The following ITM2C variants were observed in gnomAD, a reference collection of about 807,000 sequenced individuals.
The protein encoded by ITM2C is BRICHOS domain containing 2C.
Under a neutral mutation model 30.0 loss-of-function variants are expected in ITM2C, and 20 were observed. The ratio of observed to expected loss-of-function variants is 0.67; its 90% CI spans 0.47 to 0.97. ITM2C has a LOEUF of 0.97. Ranked by LOEUF, ITM2C falls within the 50% of genes least tolerant of loss-of-function variation. The pLI, the probability that ITM2C is intolerant of heterozygous loss-of-function variation, is 0.00. For synonymous variants in ITM2C, 167 were observed against 156.4 expected (o/e 1.07, Z -0.51); for missense variants, 366 against 371.9 (o/e 0.98, Z 0.13).
rs748984665 is a variant in ITM2C, at chr2:230,877,541, A to G, written c.703A>G (p.Thr235Ala). The change falls in exon 5 of 6, where the codon ACG becomes GCG. Residue 235 changes from threonine to alanine, a missense_variant. Physicochemically the swap from Thr to Ala is moderately conservative, Grantham distance 58. Coordinates refer to ENST00000326427, the MANE Select transcript of ITM2C (RefSeq NM_030926.6). This position sits in a 1 kb window ranked among gnomAD's most constrained non-coding sequence, Gnocchi z 4.8. Reference sequence around the variant, plus strand: ...CACCTACCGGCTCCGGCGCCGGGCAACGCGGAGGCGTGAGTGGCTGGCTTC... The same window carrying G: ...CACCTACCGGCTCCGGCGCCGGGCAGCGCGGAGGCGTGAGTGGCTGGCTTC... ...KDTYRLRRRA[T>A]RRRINKRGAK... 6.2e-7 allele frequency: 1 copy of G among 1,613,600 alleles called. No homozygotes were observed. The highest frequency in any genetic ancestry group is 1.3e-5 in the African/African-American group (1 of 75,046).
Position 230,877,530 on chromosome 2 carries a change from G to A in ITM2C, c.692G>A (p.Arg231Gln), listed in dbSNP as rs768942650. Residue 231 changes from arginine to glutamine, a missense_variant, in exon 5 of 6, where the codon CGG (arginine) becomes CAG (glutamine). Transcript: ENST00000326427. This position sits in a 1 kb window ranked among gnomAD's most constrained non-coding sequence, Gnocchi z 4.8. ...AACGGGAAAGACACCTACCGGCTCCGGCGCCGGGCAACGCGGAGGCGTGAG... is the reference window on the plus strand; with the variant it reads ...AACGGGAAAGACACCTACCGGCTCCAGCGCCGGGCAACGCGGAGGCGTGAG... ...LCNGKDTYRL[R>Q]RRATRRRINK... is the part of the protein sequence containing the mutation. 90 of 1,613,662 alleles carry A rather than the reference G, an allele frequency of 5.6e-5. No homozygotes were observed. Among genetic ancestry groups the A allele is most frequent in the Middle Eastern group, 1.7e-4 (1 of 5,974 alleles).
intron 2 of ITM2C, 138 bp from the exon 3 acceptor site, chr2:230,875,482 T>C: frequency 1.5e-6 from 1 of 675,106 alleles, no homozygotes; most frequent in Non-Finnish European, 2.5e-6. Flanking sequence ...ATCTGCGAAA[T>C]GGGTCTCACA....
At chr2:230,874,688 G>A (rs777780528) in intron 2 of ITM2C, among the ~76,000 whole-genome samples, 8 of 152,196 alleles carry the variant, frequency 5.3e-5, no homozygotes, top group African/African-American at 1.2e-4. Flanking sequence ...CTGCGATGAC[G>A]CATCCTCCCT....
chr2:230,872,045 C>T (rs1328401993), intron 1 of ITM2C, among the ~76,000 whole-genome samples: 1 of 152,226 alleles, frequency 6.6e-6, no homozygotes, highest in African/African-American at 2.4e-5. Flanking sequence ...CATCCCAGAA[C>T]GCCTGGCCGG....
chr2:230,873,341 G>A (rs561038886), intron 1 of ITM2C, 76 bp from the exon 2 acceptor site: 134 of 1,398,018 alleles, frequency 9.6e-5, no homozygotes, highest in Non-Finnish European at 1.2e-4. Context: ...GCCAGCAGGT[G>A]AAGCCTGACT....
rs148209494 is a variant in ITM2C, at chr2:230,869,461, G to A, written c.121-3956G>A. ...ACATACAAGACACACACACTCGGTG[G>A]GTGCCCTGGCCTCTGTGGTCTGGAG... On this transcript the variant is annotated intron_variant, in intron 1 of 5. Transcript: ENST00000326427. Among the ~76,000 whole-genome samples, 18 of 152,304 alleles carry A rather than the reference G, an allele frequency of 1.2e-4. No individual in the cohort carries two copies. The East Asian group carries it at 3.3e-3, about 28-fold the overall frequency.
At chr2:230,866,016 G>C (rs73992916) in intron 1 of ITM2C, among the ~76,000 whole-genome samples, 22 of 147,032 alleles carry the variant, frequency 1.5e-4, no homozygotes, top group African/African-American at 5.3e-4. Flanking sequence ...CCTCTGGCCG[G>C]GGGGGAGAGA....
intron 2 of ITM2C, among the ~76,000 whole-genome samples, chr2:230,874,994 C>G (rs112500201): frequency 0.022 from 3,312 of 152,250 alleles, 118 homozygotes; most frequent in African/African-American, 0.076. Context: ...TGGAGGTAAC[C>G]GTGATAGGGG....
intron 1 of ITM2C, among the ~76,000 whole-genome samples, chr2:230,871,484 C>G (rs1697163605): frequency 6.6e-6 from 1 of 152,234 alleles, no homozygotes; most frequent in South Asian, 2.1e-4. Context: ...GCAGCTGTTC[C>G]TGAGGGCCCT....
chr2:230,864,850 G>C, upstream of ITM2C: 1 of 753,780 alleles, frequency 1.3e-6, no homozygotes, highest in South Asian at 6.8e-5. This position sits in a 1 kb window ranked among gnomAD's most constrained non-coding sequence, Gnocchi z 4.3. Context: ...GCGCAGGCGC[G>C]GCGGGCGCCG....
In ITM2C at chr2:230,877,387, C is replaced by A. The variant is rs776731123; in HGVS notation, c.562-13C>A. ...AGGGGCCGACTCACTGTGGCGGCCA[C>A]CTTGTTTTGCAGAGGGGGACCTACC... On this transcript the variant is annotated splice_polypyrimidine_tract_variant and intron_variant, in intron 4 of 5. Coordinates refer to ENST00000326427, the MANE Select transcript of ITM2C (RefSeq NM_030926.6). This position sits in a 1 kb window ranked among gnomAD's most constrained non-coding sequence, Gnocchi z 4.8. The A allele has an allele frequency of 3.7e-5, 60 of 1,612,356 alleles. No individual in the cohort carries two copies. The highest frequency in any genetic ancestry group is 4.9e-5 in the Non-Finnish European group (58 of 1,179,164).
chr2:230,865,506 A>C lies in ITM2C; in HGVS notation c.120+361A>C. 1 of 174,412 alleles carries C rather than the reference A, an allele frequency of 5.7e-6. No homozygotes were observed. The highest frequency in any genetic ancestry group is 6.3e-5 in the Admixed American group (1 of 15,756). 10.8% of individuals were successfully genotyped at this position (174,412 alleles called of 1,614,324 possible). A position where few individuals can be genotyped will look rare whatever the true frequency, so the allele number is the denominator to read the frequency against. On this transcript the variant is annotated intron_variant, in intron 1 of 5. Coordinates refer to ENST00000326427, the MANE Select transcript of ITM2C (RefSeq NM_030926.6). The surrounding 1 kb of genome is among the most constrained non-coding windows in gnomAD (Gnocchi z 6.8). ...GTGGGGGGGTACGCGTCTGGTTCCA[A>C]TCAACTGGGAAAGCCGCGAGTCGAG...
chr2:230,867,619 T>A (rs769002459), intron 1 of ITM2C, among the ~76,000 whole-genome samples: 4 of 152,188 alleles, frequency 2.6e-5, no homozygotes, highest in Non-Finnish European at 5.9e-5. Flanking sequence ...GTGTCTGAAC[T>A]GGACTCCAAA....
chr2:230,873,190 G>A, intron 1 of ITM2C: 1 of 443,456 alleles, frequency 2.3e-6, no homozygotes. Context: ...TCTCTTTCGA[G>A]GTGTGTCTCC....
In ITM2C at chr2:230,865,183, C is replaced by T. The variant is rs1696995886; in HGVS notation, c.120+38C>T. On this transcript the variant is annotated intron_variant, in intron 1 of 5. Transcript: ENST00000326427. The surrounding 1 kb of genome is among the most constrained non-coding windows in gnomAD (Gnocchi z 6.8). ...GGGGCTCAGGCGGTGGGGCGGGGGA[C>T]CCAGGCTCACGACCCAGGCGCGCCC... 1 of 1,375,070 alleles carries T rather than the reference C, an allele frequency of 7.3e-7. No homozygotes were observed. The highest frequency in any genetic ancestry group is 3.0e-5 in the East Asian group (1 of 33,160). The allele number at this position is 1,375,070 out of a possible 1,614,324, so 85.2% of individuals were successfully genotyped here. A position where few individuals can be genotyped will look rare whatever the true frequency, so the allele number is the denominator to read the frequency against.
At chr2:230,868,712 G>C (rs1697092551) in intron 1 of ITM2C, among the ~76,000 whole-genome samples, 1 of 152,214 alleles carries the variant, frequency 6.6e-6, no homozygotes, top group South Asian at 2.1e-4. Context: ...GGCAGGAGGA[G>C]CTGGGTCTCC....
rs1016118397 is a variant in ITM2C at position 230,878,069 on chromosome 2, G to A, written c.774G>A (p.Val258=). The A allele has an allele frequency of 2.5e-6, 4 of 1,603,240 alleles. No homozygotes were observed. The South Asian group carries it at 4.5e-5, about 18-fold the overall frequency. The part of the protein sequence containing the change: ...NAIRHFENTF[V]VETLICGVV ...TCCGCCACTTCGAGAACACCTTCGT[G>A]GTGGAGACGCTCATCTGCGGGGTGG... The change falls in exon 6 of 6, where the codon GTG becomes GTA. Residue 258 remains valine, a synonymous_variant. Transcript: ENST00000326427. The surrounding 1 kb of genome is among the most constrained non-coding windows in gnomAD (Gnocchi z 4.5).
At position 230,878,277 on chromosome 2, in the gene ITM2C, G is replaced by C; in HGVS notation, c.*178G>C. 1 of 436,916 alleles carries C rather than the reference G, an allele frequency of 2.3e-6. No homozygotes were observed. Among genetic ancestry groups the C allele is most frequent in the Non-Finnish European group, 4.1e-6 (1 of 246,378 alleles). The allele number at this position is 436,916 out of a possible 1,614,324, so 27.1% of individuals were successfully genotyped here. A position where few individuals can be genotyped will look rare whatever the true frequency, so the allele number is the denominator to read the frequency against. On this transcript the variant is annotated 3_prime_UTR_variant, in exon 6 of 6. Transcript: ENST00000326427. This position sits in a 1 kb window ranked among gnomAD's most constrained non-coding sequence, Gnocchi z 4.5. ...CCCTGTACCAGAGCTGTGATCTCTC[G>C]GTGGGGGGCCCATCTCTGCTGACCT...
rs765286905 is a variant in ITM2C at position 230,875,626 on chromosome 2, C to T, written c.268C>T (p.Arg90Ter). ...GTCTCTCCGCCTTGCTCAGCTGGCC[C>T]GAGATAACTTCTTCCGCTGTGGTGT... ...YRYFFLAQLA[R>*]DNFFRCGVLY... The change falls in exon 3 of 6, where the codon CGA becomes TGA. Residue 90 changes from arginine to a stop codon, truncating the protein, a stop_gained. Transcript: ENST00000326427. LOFTEE classifies it high-confidence loss of function. The T allele has an allele frequency of 5.0e-6, 8 of 1,600,768 alleles. No individual in the cohort carries two copies. The highest frequency in any genetic ancestry group is 4.0e-5 in the African/African-American group (3 of 74,682).
Sources: gnomAD v4.1 joint callset for allele counts (sites outside exome capture counted in the v4.1 genomes callset) on GRCh38, gnomAD v4.1.1 for gene constraint, Gnocchi (gnomAD v3.1) non-coding constraint, MANE v1.5 for transcripts, NCBI Gene and HGNC (gene_info 2026-07-23, HGNC 2026-07-21) for gene names.